The following RNF2 variants were observed in gnomAD, a reference collection of about 807,000 sequenced individuals.
RNF2 encodes ring finger protein 2.
RNF2 carries 6 observed loss-of-function variants against 37.2 expected under a neutral mutation model. That is an observed-to-expected ratio of 0.16 (90% CI 0.09 to 0.32). The LOEUF (loss-of-function observed/expected upper bound fraction) is 0.32, where lower values mean the gene tolerates loss of function less well. RNF2 is among the 10% of genes least tolerant of loss of function. The probability of loss-of-function intolerance (pLI) is 1.00; values close to 1 mark genes in which losing one functional copy is unlikely to be tolerated. For synonymous variants in RNF2, 133 were observed against 132.7 expected, an observed-to-expected ratio of 1.00 and a Z score of -0.02; for missense variants, 251 against 404.0, an observed-to-expected ratio of 0.62 and a Z score of 3.25.
intron 1 of RNF2, among the ~76,000 whole-genome samples, chr1:185,068,052 G>T (rs1402433395): frequency 6.6e-6 from 1 of 151,690 alleles, no homozygotes; most frequent in Non-Finnish European, 1.5e-5. Context: ...TGCCCACGCT[G>T]GAGTGCAATG....
intron 1 of RNF2, among the ~76,000 whole-genome samples, chr1:185,069,911 T>G (rs1650917352): frequency 6.6e-6 from 1 of 152,238 alleles, no homozygotes; most frequent in African/African-American, 2.4e-5. Flanking sequence ...CGTTATAGAA[T>G]AAGTCTTAAA....
intron 5 of RNF2, 83 bp from the exon 6 acceptor site, chr1:185,099,708 A>G (rs1652021497): frequency 1.8e-6 from 2 of 1,140,508 alleles, no homozygotes; most frequent in African/African-American, 1.6e-5. Context: ...AGTTTTTAAG[A>G]AATGTATTAG....
chr1:185,084,272 A>C (rs1339045076), intron 1 of RNF2, among the ~76,000 whole-genome samples: 1 of 152,074 alleles, frequency 6.6e-6, no homozygotes, highest in Admixed American at 6.5e-5. Context: ...CCATGCCTTA[A>C]TTCAGTTTAT....
chr1:185,072,396 T>G (rs1398165285), intron 1 of RNF2, among the ~76,000 whole-genome samples: 2 of 152,004 alleles, frequency 1.3e-5, no homozygotes, highest in Admixed American at 6.6e-5. Flanking sequence ...TGCAAGGTAT[T>G]GGGGATATTG....
chr1:185,088,410 G>C (rs1177392880), intron 2 of RNF2, among the ~76,000 whole-genome samples: 1 of 152,084 alleles, frequency 6.6e-6, no homozygotes, highest in African/African-American at 2.4e-5. Context: ...TACAAAATTA[G>C]CCAGGCATGG....
chr1:185,048,032 T>C (rs1166530937), intron 1 of RNF2, among the ~76,000 whole-genome samples: 1 of 152,188 alleles, frequency 6.6e-6, no homozygotes, highest in East Asian at 1.9e-4. Context: ...GGTCCAGATA[T>C]CCTGACTGTT....
chr1:185,091,742 A>G lies in RNF2; in HGVS notation c.248+3A>G. On this transcript the variant is annotated splice_donor_region_variant and intron_variant, in intron 3 of 6. Coordinates refer to ENST00000367510, the MANE Select transcript of RNF2 (RefSeq NM_007212.4). ...ATCATCACAGCCCTTAGAAGTGGGT[A>G]TGTTGAAAAGAGTTGTTATACTAGG... 1 of 1,613,126 alleles carries G rather than the reference A, an allele frequency of 6.2e-7. No individual in the cohort carries two copies. The highest frequency in any genetic ancestry group is 8.5e-7 in the Non-Finnish European group (1 of 1,179,458).
intron 1 of RNF2, among the ~76,000 whole-genome samples, chr1:185,086,129 C>T (rs1347117818): frequency 1.3e-5 from 2 of 152,008 alleles, no homozygotes; most frequent in African/African-American, 4.8e-5. Flanking sequence ...TTTATTTCAT[C>T]TCTACCAAAG....
chr1:185,060,994 G>A (rs1389603837), intron 1 of RNF2, among the ~76,000 whole-genome samples: 1 of 152,084 alleles, frequency 6.6e-6, no homozygotes, highest in African/African-American at 2.4e-5. Flanking sequence ...TCATGAGTCT[G>A]TAGTCCTAGC....
At position 185,082,523 on chromosome 1, in the gene RNF2, TA is replaced by T. The variant is rs1438726965; in HGVS notation, c.-2-5028del. Among the ~76,000 whole-genome samples, 4 of 146,716 alleles carry T rather than the reference TA, an allele frequency of 2.7e-5. No individual in the cohort carries two copies. In the East Asian group the frequency reaches 8.6e-4, roughly 32 times the overall value. ...TGCCACCATACCTGGCTAATTTTTT[TA>T]TTTTTTTTTTAGTAGAGACAGGGTT... On this transcript the variant is annotated intron_variant, in intron 1 of 6. Coordinates refer to ENST00000367510, the MANE Select transcript of RNF2 (RefSeq NM_007212.4).
chr1:185,089,415 T>C (rs925341337), intron 2 of RNF2, among the ~76,000 whole-genome samples: 1 of 152,176 alleles, frequency 6.6e-6, no homozygotes, highest in African/African-American at 2.4e-5. Context: ...GATTTTGATA[T>C]CTGTGGAAGT....
At chr1:185,062,472 T>C (rs1217502492) in intron 1 of RNF2, among the ~76,000 whole-genome samples, 1 of 152,118 alleles carries the variant, frequency 6.6e-6, no homozygotes, top group East Asian at 1.9e-4. Flanking sequence ...AAGAGAGAAC[T>C]AAACAATGAT....
At chr1:185,076,194 GA>G (rs1360945465) in intron 1 of RNF2, among the ~76,000 whole-genome samples, 1 of 143,996 alleles carries the variant, frequency 6.9e-6, no homozygotes, top group Non-Finnish European at 1.5e-5. Context: ...GGCGAAATAT[GA>G]ACCTTTCAGT....
chr1:185,079,854 C>T (rs558536633), intron 1 of RNF2, among the ~76,000 whole-genome samples: 3 of 151,906 alleles, frequency 2.0e-5, no homozygotes, highest in Non-Finnish European at 4.4e-5. Context: ...TGCTTGAACC[C>T]GGGAGGTGGA....
chr1:185,084,321 A>T (rs1440601696), intron 1 of RNF2, among the ~76,000 whole-genome samples: 1 of 152,168 alleles, frequency 6.6e-6, no homozygotes, highest in Non-Finnish European at 1.5e-5. Flanking sequence ...AGCAATTTTA[A>T]ATGAGTATTA....
At chr1:185,085,145 C>CTTTTTCTTTT (rs1651544913) in intron 1 of RNF2, among the ~76,000 whole-genome samples, 2 of 103,222 alleles carry the variant, frequency 1.9e-5, no homozygotes, top group Non-Finnish European at 3.7e-5. Context: ...CTTTCTTTTT[C>CTTTTTCTTTT]TTTTTTTTTT....
intron 1 of RNF2, among the ~76,000 whole-genome samples, chr1:185,086,223 C>T (rs1400638547): frequency 2.0e-5 from 3 of 152,040 alleles, no homozygotes; most frequent in South Asian, 2.1e-4. Context: ...TTTGTCTTAT[C>T]GATTGTTGTT....
chr1:185,057,838 A>C (rs1650480513), intron 1 of RNF2, among the ~76,000 whole-genome samples: 1 of 152,098 alleles, frequency 6.6e-6, no homozygotes, highest in Admixed American at 6.5e-5. Context: ...CAGTTCAAAA[A>C]TAATACAAAT....
In RNF2 at chr1:185,100,193, G is replaced by A. The variant is rs1285405376; in HGVS notation, c.910-7G>A. On this transcript the variant is annotated splice_polypyrimidine_tract_variant and splice_region_variant and intron_variant, in intron 6 of 6. Coordinates refer to ENST00000367510, the MANE Select transcript of RNF2 (RefSeq NM_007212.4). ...TTTCATAATTTTTTCTTTCTTTTTT[G>A]TTTTAGGTATTAAATGGCTCTTTTT... 1.1e-5 allele frequency: 18 copies of A among 1,568,384 alleles called. No individual in the cohort carries two copies. In the African/African-American group the frequency reaches 1.2e-4, roughly 11 times the overall value.
Sources: allele counts gnomAD v4.1 joint callset (sites outside exome capture counted in the v4.1 genomes callset), GRCh38; gene constraint gnomAD v4.1.1; transcripts MANE v1.5; gene names NCBI Gene and HGNC (gene_info 2026-07-23, HGNC 2026-07-21).